Variants in ELAVL2 observed in about 807,000 individuals in gnomAD.
The protein encoded by ELAVL2 is ELAV-like protein 2.
ELAVL2 carries 4 observed loss-of-function variants against 34.6 expected under a neutral mutation model. The ratio of observed to expected loss-of-function variants is 0.12; its 90% CI spans 0.06 to 0.26. The LOEUF (loss-of-function observed/expected upper bound fraction) is 0.26, where lower values mean the gene tolerates loss of function less well. Ranked by LOEUF, ELAVL2 falls within the 10% of genes least tolerant of loss-of-function variation. ELAVL2 has a pLI of 1.00. For missense variants in ELAVL2, 432 were observed against 442.8 expected (o/e 0.98, Z 0.22); for synonymous variants, 193 against 154.8 (o/e 1.25, Z -1.83).
At chr9:23,735,483 T>C (rs2047661536) in intron 2 of ELAVL2, 1 of 152,194 alleles carries the variant, frequency 6.6e-6, no homozygotes, top group African/African-American at 2.4e-5. Flanking sequence ...TTCGCCACGT[T>C]GGCCAGGCTC....
chr9:23,763,434 T>A (rs1218394069), intron 1 of ELAVL2, among the ~76,000 whole-genome samples: 24 of 152,080 alleles, frequency 1.6e-4, no homozygotes, highest in Admixed American at 1.6e-3. Flanking sequence ...CTGAAAGGAT[T>A]ATCCTTCATA....
chr9:23,813,972 A>C (rs192103881), intron 1 of ELAVL2, among the ~76,000 whole-genome samples: 189 of 152,342 alleles, frequency 1.2e-3, no homozygotes, highest in Non-Finnish European at 2.1e-4. Context: ...GAAACAAGCC[A>C]TGCTTCATCC....
chr9:23,850,149 G>T, the ELAVL2 span, among the ~76,000 whole-genome samples: 8 of 151,898 alleles, frequency 5.3e-5, no homozygotes. Context: ...AAAACAAAAG[G>T]TAAAGGGGAG....
At chr9:23,822,092 G>A (rs1178586211) in intron 1 of ELAVL2, among the ~76,000 whole-genome samples, 1 of 152,128 alleles carries the variant, frequency 6.6e-6, no homozygotes, top group African/African-American at 2.4e-5. Flanking sequence ...AGAGGAGGCT[G>A]ATTCCAGGTG....
chr9:23,778,493 T>C (rs1321445821), intron 1 of ELAVL2, among the ~76,000 whole-genome samples: 1 of 152,202 alleles, frequency 6.6e-6, no homozygotes, highest in Non-Finnish European at 1.5e-5. Flanking sequence ...AGAGTCCATA[T>C]TCCCAGAGCT....
intron 2 of ELAVL2, among the ~76,000 whole-genome samples, chr9:23,747,913 A>T (rs903323073): frequency 4.7e-5 from 7 of 149,958 alleles, no homozygotes; most frequent in East Asian, 3.9e-4. Context: ...TAAGACCTAA[A>T]TTTTTTTTTT....
intron 1 of ELAVL2, among the ~76,000 whole-genome samples, chr9:23,799,691 G>A (rs2061360420): frequency 1.3e-5 from 2 of 152,176 alleles, no homozygotes; most frequent in South Asian, 4.1e-4. Flanking sequence ...CTTCTATTGA[G>A]AGCCCCTAAT....
At position 23,692,663 on chromosome 9, in the gene ELAVL2, G is replaced by C. The variant is rs1406956244; in HGVS notation, c.974C>G (p.Thr325Arg). 6.2e-7 allele frequency: 1 copy of C among 1,614,154 alleles called. No individual in the cohort carries two copies. Among genetic ancestry groups the C allele is most frequent in the South Asian group, 1.1e-5 (1 of 91,092 alleles). ...CGCCATGGCAGCCTCATCATAGTTTGTCATAGTCACAAATCCAAAACCTTT... is the reference window on the plus strand; with the variant it reads ...CGCCATGGCAGCCTCATCATAGTTTCTCATAGTCACAAATCCAAAACCTTT... Reference protein sequence around the residue: ...KCKGFGFVTMTNYDEAAMAIA... With the variant: ...KCKGFGFVTMRNYDEAAMAIA... Residue 325 changes from threonine (T) to arginine (R), a missense_variant, in exon 7 of 7, where the codon ACA becomes AGA. Coordinates refer to ENST00000397312, the MANE Select transcript of ELAVL2 (RefSeq NM_004432.5).
intron 1 of ELAVL2, among the ~76,000 whole-genome samples, chr9:23,816,175 C>T (rs1236798141): frequency 6.6e-6 from 1 of 151,408 alleles, no homozygotes; most frequent in Non-Finnish European, 1.5e-5. Context: ...GAGATTCTAG[C>T]CCCTCAATAT....
At chr9:23,738,431 G>T (rs975585730) in intron 2 of ELAVL2, among the ~76,000 whole-genome samples, 1 of 152,186 alleles carries the variant, frequency 6.6e-6, no homozygotes, top group Non-Finnish European at 1.5e-5. Flanking sequence ...TAATGAGTAA[G>T]ATCAAATTGT....
At chr9:23,816,332 AAAAAAAAAAAAAAAG>A (rs1335190714) in intron 1 of ELAVL2, among the ~76,000 whole-genome samples, 1 of 149,176 alleles carries the variant, frequency 6.7e-6, no homozygotes, top group Non-Finnish European at 1.5e-5. Flanking sequence ...AAAAAAAAAA[AAAAAAAAAAAAAAAG>A]GGGATAAAAA....
chr9:23,757,640 A>G (rs2053890710), intron 2 of ELAVL2, among the ~76,000 whole-genome samples: 1 of 151,970 alleles, frequency 6.6e-6, no homozygotes, highest in South Asian at 2.1e-4. Flanking sequence ...GGGATGGACT[A>G]AAGTCAGCTA....
At chr9:23,769,896 G>A (rs78724101) in intron 1 of ELAVL2, among the ~76,000 whole-genome samples, 1,774 of 152,324 alleles carry the variant, frequency 0.012, 14 homozygotes, top group Middle Eastern at 0.02. Flanking sequence ...AGGTTCAAAA[G>A]CTTTGAGGTT....
At chr9:23,788,888 G>T (rs543177816) in intron 1 of ELAVL2, among the ~76,000 whole-genome samples, 1 of 152,156 alleles carries the variant, frequency 6.6e-6, no homozygotes, top group Non-Finnish European at 1.5e-5. Context: ...AGAAGTACAC[G>T]CAGTGTAAAA....
the ELAVL2 span, among the ~76,000 whole-genome samples, chr9:23,844,156 G>A: frequency 1.6e-4 from 25 of 152,052 alleles, no homozygotes; most frequent in East Asian, 4.6e-3. Flanking sequence ...GCATATTAGC[G>A]ATAGCTTCCT....
At chr9:23,819,569 A>C (rs2138472517) in intron 1 of ELAVL2, among the ~76,000 whole-genome samples, 1 of 152,276 alleles carries the variant, frequency 6.6e-6, no homozygotes, top group East Asian at 1.9e-4. Context: ...CTGAAAGAAG[A>C]CACTACACAA....
intron 1 of ELAVL2, among the ~76,000 whole-genome samples, chr9:23,810,221 A>G (rs2062798091): frequency 1.3e-5 from 2 of 152,006 alleles, no homozygotes; most frequent in African/African-American, 4.8e-5. Flanking sequence ...TATGGTTCCA[A>G]AAAGTAATCC....
chr9:23,838,375 G>A, the ELAVL2 span, among the ~76,000 whole-genome samples: 1 of 152,084 alleles, frequency 6.6e-6, no homozygotes, highest in African/African-American at 2.4e-5. Context: ...ATGCTGGATG[G>A]TAAGGACCAG....
intron 2 of ELAVL2, among the ~76,000 whole-genome samples, chr9:23,747,328 T>C (rs1402145243): frequency 6.6e-6 from 1 of 152,098 alleles, no homozygotes; most frequent in African/African-American, 2.4e-5. Flanking sequence ...TTATGGATTG[T>C]TTATTTCTGG....
Sources: allele counts gnomAD v4.1 joint callset (sites outside exome capture counted in the v4.1 genomes callset), GRCh38; gene constraint gnomAD v4.1.1; transcripts MANE v1.5; gene names NCBI Gene and HGNC (gene_info 2026-07-23, HGNC 2026-07-21).